Variants in THSD7B observed in about 807,000 individuals in gnomAD.
THSD7B encodes the protein thrombospondin type 1 domain containing 7B, also known as thrombospondin type-1 domain-containing protein 7B.
In THSD7B, 138 loss-of-function variants were observed where a neutral mutation model predicts 213.6. The observed-to-expected ratio is 0.65, with a 90% CI of 0.56 to 0.74. The LOEUF (loss-of-function observed/expected upper bound fraction) is 0.74, where lower values mean the gene tolerates loss of function less well. Ranked by LOEUF, THSD7B falls within the 30% of genes least tolerant of loss-of-function variation. The pLI is 0.00. For missense variants in THSD7B, 1,931 were observed against 1,991.5 expected (o/e 0.97, Z 0.58); for synonymous variants, 742 against 687.0 (o/e 1.08, Z -1.25).
chr2:137,160,370 T>C lies in THSD7B; in HGVS notation c.1525+2T>C, dbSNP rs1679995692. The C allele has an allele frequency of 9.9e-6, 16 of 1,611,116 alleles. No homozygotes were observed. Among genetic ancestry groups the C allele is most frequent in the Non-Finnish European group, 1.3e-5 (15 of 1,178,820 alleles). ...GTCATGATCCTCAGGGGAAAAAAGG[T>C]GAGTGCCTTGTTTGCATGCGCTTCA... On this transcript the variant is annotated splice_donor_variant, in intron 6 of 27. Transcript: ENST00000409968. LOFTEE classifies it high-confidence loss of function.
At chr2:136,924,712 A>G (rs1040609658) in intron 2 of THSD7B, among the ~76,000 whole-genome samples, 20 of 152,160 alleles carry the variant, frequency 1.3e-4, no homozygotes, top group Non-Finnish European at 2.2e-4. Flanking sequence ...TTTCTACACA[A>G]AGTGTCATTG....
intron 12 of THSD7B, among the ~76,000 whole-genome samples, chr2:137,300,302 A>T (rs1283801798): frequency 2.0e-5 from 3 of 152,206 alleles, no homozygotes; most frequent in Non-Finnish European, 4.4e-5. Flanking sequence ...ATCAGCTGTA[A>T]TGAAGAACTG....
intron 7 of THSD7B, among the ~76,000 whole-genome samples, chr2:137,203,459 ATTTTAC>A (rs1376743038): frequency 6.6e-6 from 1 of 152,012 alleles, no homozygotes; most frequent in Non-Finnish European, 1.5e-5. Context: ...ATACTTTCTA[ATTTTAC>A]TTATTTATTT....
At chr2:137,459,025 T>C (rs1457655642) in intron 15 of THSD7B, among the ~76,000 whole-genome samples, 1 of 152,140 alleles carries the variant, frequency 6.6e-6, no homozygotes, top group East Asian at 1.9e-4. Context: ...CAAGTTCATA[T>C]GAGTTGATTT....
chr2:137,642,176 ATATT>A, intron 20 of THSD7B: 1 of 222,416 alleles, frequency 4.5e-6, no homozygotes. Context: ...TAATAAATAA[ATATT>A]TATTAAATGA....
chr2:136,824,034 C>T (rs1682604488), intron 1 of THSD7B, among the ~76,000 whole-genome samples: 1 of 152,086 alleles, frequency 6.6e-6, no homozygotes, highest in Non-Finnish European at 1.5e-5. Flanking sequence ...CTTTATTAAT[C>T]CTCACAACAA....
At chr2:137,182,095 A>G (rs1342873541) in intron 7 of THSD7B, among the ~76,000 whole-genome samples, 1 of 152,158 alleles carries the variant, frequency 6.6e-6, no homozygotes, top group African/African-American at 2.4e-5. Context: ...ATTTGTAAAT[A>G]GGGTTTCTTT....
intron 2 of THSD7B, among the ~76,000 whole-genome samples, chr2:136,972,190 A>C (rs571871726): frequency 1.3e-5 from 2 of 152,258 alleles, no homozygotes; most frequent in Admixed American, 6.5e-5. Context: ...TAGGCATCCA[A>C]CATTATCTGC....
chr2:136,980,519 C>T (rs980909001), intron 2 of THSD7B, among the ~76,000 whole-genome samples: 16 of 152,224 alleles, frequency 1.1e-4, no homozygotes, highest in Middle Eastern at 6.8e-3. Context: ...TAAAGAAGCC[C>T]GGCCACGATC....
chr2:136,957,323 T>G (rs1288839037), intron 2 of THSD7B, among the ~76,000 whole-genome samples: 1 of 152,062 alleles, frequency 6.6e-6, no homozygotes, highest in Non-Finnish European at 1.5e-5. Flanking sequence ...TGAGCCAACA[T>G]GGAGGACAAG....
At chr2:137,633,107 C>T (rs1040336489) in intron 20 of THSD7B, among the ~76,000 whole-genome samples, 5 of 152,112 alleles carry the variant, frequency 3.3e-5, no homozygotes, top group African/African-American at 1.2e-4. Flanking sequence ...GGAAAATAGC[C>T]TTGATCCCAA....
At chr2:137,281,557 C>A (rs1683014732) in intron 12 of THSD7B, among the ~76,000 whole-genome samples, 1 of 150,840 alleles carries the variant, frequency 6.6e-6, no homozygotes, top group East Asian at 2.0e-4. Flanking sequence ...ATCCCCCCAC[C>A]CCCACCCCAC....
At chr2:137,091,887 T>C in intron 3 of THSD7B, among the ~76,000 whole-genome samples, 1 of 152,186 alleles carries the variant, frequency 6.6e-6, no homozygotes, top group East Asian at 1.9e-4. Flanking sequence ...TCTCGTCGAC[T>C]TACAGCTTTC....
At chr2:137,605,061 A>T (rs1398248587) in intron 17 of THSD7B, among the ~76,000 whole-genome samples, 1 of 152,218 alleles carries the variant, frequency 6.6e-6, no homozygotes, top group East Asian at 1.9e-4. Flanking sequence ...TAAATTCTAT[A>T]GAGAGCATCT....
At chr2:137,252,266 CAAAAA>C (rs1182130976) in intron 10 of THSD7B, among the ~76,000 whole-genome samples, 1 of 59,688 alleles carries the variant, frequency 1.7e-5, no homozygotes, top group African/African-American at 6.9e-5. Flanking sequence ...GACTCTGTCT[CAAAAA>C]AAAAAAAAAA....
intron 18 of THSD7B, 32 bp from the exon 19 acceptor site, chr2:137,618,360 G>A: frequency 6.3e-7 from 1 of 1,592,686 alleles, no homozygotes; most frequent in Non-Finnish European, 8.6e-7. Context: ...CCATAATTTT[G>A]AAACTCAGTG....
At chr2:137,314,710 A>G (rs1684037138) in intron 12 of THSD7B, among the ~76,000 whole-genome samples, 1 of 152,084 alleles carries the variant, frequency 6.6e-6, no homozygotes, top group Admixed American at 6.5e-5. Context: ...TCTGTTTGTT[A>G]GTTTTCCTTT....
intron 2 of THSD7B, among the ~76,000 whole-genome samples, chr2:137,050,297 C>T (rs762609775): frequency 1.3e-5 from 2 of 152,076 alleles, no homozygotes; most frequent in African/African-American, 2.4e-5. Context: ...TTTCTGTCTC[C>T]GTGATGTTTG....
chr2:137,438,757 T>G (rs1361109100), intron 14 of THSD7B, among the ~76,000 whole-genome samples: 1 of 152,056 alleles, frequency 6.6e-6, no homozygotes, highest in Non-Finnish European at 1.5e-5. Flanking sequence ...TTCACTCCTC[T>G]CTCTAGTAGG....
Sources: allele counts gnomAD v4.1 joint callset (sites outside exome capture counted in the v4.1 genomes callset), GRCh38; gene constraint gnomAD v4.1.1; transcripts MANE v1.5; gene names NCBI Gene and HGNC (gene_info 2026-07-23, HGNC 2026-07-21).